PLLP: variants seen among roughly 807,000 people sequenced by gnomAD.
The protein encoded by PLLP is plasma membrane proteolipid (plasmolipin).
PLLP carries 15 observed loss-of-function variants against 19.7 expected under a neutral mutation model. The observed-to-expected ratio is 0.76, with a 90% CI of 0.51 to 1.17. The LOEUF (loss-of-function observed/expected upper bound fraction) is 1.17, where lower values mean the gene tolerates loss of function less well. Ranked by LOEUF, PLLP falls within the 50% of genes most tolerant of loss-of-function variation. PLLP has a pLI of 0.00. For synonymous variants in PLLP, 111 were observed against 116.3 expected (o/e 0.95, Z 0.29); for missense variants, 255 against 258.3 (o/e 0.99, Z 0.09).
At chr16:57,273,274 TG>T (rs1276036640) in intron 1 of PLLP, among the ~76,000 whole-genome samples, 1 of 147,882 alleles carries the variant, frequency 6.8e-6, no homozygotes, top group Non-Finnish European at 1.5e-5. Context: ...AAAAAAAAGT[TG>T]GGGGGGCAAT....
In PLLP at chr16:57,284,302, G is replaced by A. The variant is rs1284945225; in HGVS notation, c.135+104C>T. The A allele has an allele frequency of 4.8e-6, 5 of 1,045,286 alleles. No individual in the cohort carries two copies. In the African/African-American group the frequency reaches 6.7e-5, roughly 14 times the overall value. 64.8% of individuals were successfully genotyped at this position (1,045,286 alleles called of 1,614,324 possible). On this transcript the variant is annotated intron_variant, in intron 1 of 3. Coordinates refer to ENST00000219207, the MANE Select transcript of PLLP (RefSeq NM_015993.3). The stretch of plus-strand genomic sequence containing the variant: ...CGGTGACAGTGTGAGCCCGGGTGGG[G>A]AGCGCAAGGTTCGCGAAAAATGAAC...
At chr16:57,257,101 C>A in intron 3 of PLLP, 72 bp from the exon 4 acceptor site, 1 of 1,101,486 alleles carries the variant, frequency 9.1e-7, no homozygotes, top group Non-Finnish European at 1.4e-6. Flanking sequence ...AGATCTCAGG[C>A]CAGGCAGGAG....
At chr16:57,278,002 G>A (rs997428575) in intron 1 of PLLP, among the ~76,000 whole-genome samples, 6 of 152,168 alleles carry the variant, frequency 3.9e-5, no homozygotes, top group Admixed American at 2.0e-4. Context: ...GGGACACTAC[G>A]GGTTACTCCA....
intron 3 of PLLP, 46 bp downstream of exon 3, chr16:57,258,416 G>A (rs1379438090): frequency 4.4e-6 from 7 of 1,595,258 alleles, no homozygotes; most frequent in African/African-American, 4.0e-5. Context: ...GAGTCCTGGG[G>A]CTGAGACCCT....
At chr16:57,277,653 ACAG>A (rs1176173057) in intron 1 of PLLP, among the ~76,000 whole-genome samples, 1 of 152,160 alleles carries the variant, frequency 6.6e-6, no homozygotes, top group East Asian at 1.9e-4. Flanking sequence ...AAAGATGGAC[ACAG>A]CTTGCTGTGC....
intron 1 of PLLP, 81 bp downstream of exon 1, chr16:57,284,325 A>G: frequency 8.3e-7 from 1 of 1,198,570 alleles, no homozygotes; most frequent in East Asian, 3.2e-5. Flanking sequence ...GCGAAAAATG[A>G]ACGCAGCGCC....
intron 1 of PLLP, among the ~76,000 whole-genome samples, chr16:57,266,471 A>C (rs1436213716): frequency 6.6e-6 from 1 of 152,160 alleles, no homozygotes; most frequent in African/African-American, 2.4e-5. Flanking sequence ...CAGGGCACCC[A>C]ACACAGGCCT....
chr16:57,264,432 A>G (rs2075450932), intron 1 of PLLP, among the ~76,000 whole-genome samples: 1 of 152,234 alleles, frequency 6.6e-6, no homozygotes. Flanking sequence ...TCAGTGCCCA[A>G]CAGTGCCCGA....
chr16:57,274,600 G>A (rs940943478), intron 1 of PLLP, among the ~76,000 whole-genome samples: 4 of 149,860 alleles, frequency 2.7e-5, no homozygotes, highest in Non-Finnish European at 4.4e-5. Flanking sequence ...CTACATGTAC[G>A]CACCACCATG....
At chr16:57,279,192 G>C (rs1320866778) in intron 1 of PLLP, among the ~76,000 whole-genome samples, 1 of 152,142 alleles carries the variant, frequency 6.6e-6, no homozygotes, top group African/African-American at 2.4e-5. Context: ...AGACAAGGAA[G>C]TGAGGCTCAG....
chr16:57,274,473 G>C (rs1326699345), intron 1 of PLLP, among the ~76,000 whole-genome samples: 1 of 152,074 alleles, frequency 6.6e-6, no homozygotes, highest in African/African-American at 2.4e-5. Context: ...TTTGTTTTGA[G>C]ACAGAATCTT....
intron 3 of PLLP, 115 bp from the exon 4 acceptor site, chr16:57,257,144 C>G (rs1442033294): frequency 2.8e-6 from 2 of 721,948 alleles, no homozygotes; most frequent in Non-Finnish European, 2.5e-6. Flanking sequence ...TCACACTTAG[C>G]CAGATGCATT....
chr16:57,275,630 ATTTTG>A (rs1901141898), intron 1 of PLLP, among the ~76,000 whole-genome samples: 1 of 79,646 alleles, frequency 1.3e-5, no homozygotes, highest in Non-Finnish European at 2.6e-5. Flanking sequence ...CTACAACAAA[ATTTTG>A]CAAGGCAAAA....
chr16:57,281,603 C>T (rs556350025), intron 1 of PLLP, among the ~76,000 whole-genome samples: 9 of 147,428 alleles, frequency 6.1e-5, no homozygotes, highest in East Asian at 2.1e-4. Flanking sequence ...CTCCACCTCC[C>T]GGGTTCACGC....
intron 1 of PLLP, among the ~76,000 whole-genome samples, chr16:57,274,747 C>G (rs1204870054): frequency 6.6e-6 from 1 of 150,896 alleles, no homozygotes; most frequent in African/African-American, 2.4e-5. Flanking sequence ...GCCACTGTGC[C>G]TGGATCAAGA....
chr16:57,278,591 C>T (rs189623767), intron 1 of PLLP, among the ~76,000 whole-genome samples: 2 of 152,132 alleles, frequency 1.3e-5, no homozygotes, highest in South Asian at 4.1e-4. Flanking sequence ...ATACTCCCCC[C>T]CTTGCAGTAA....
chr16:57,284,566 C>T lies in PLLP; in HGVS notation c.-26G>A. On this transcript the variant is annotated 5_prime_UTR_variant, in exon 1 of 4. Transcript: ENST00000219207. ...GGCGGCTCCGCTTGCCTCCCGAGGT[C>T]GCTACGGCCGCCGTCGCCGCCCCTC... 1 of 1,327,356 alleles carries T rather than the reference C, an allele frequency of 7.5e-7. No homozygotes were observed. Among genetic ancestry groups the T allele is most frequent in the Non-Finnish European group, 9.7e-7 (1 of 1,032,412 alleles). 82.2% of individuals were successfully genotyped at this position (1,327,356 alleles called of 1,614,324 possible). A position where few individuals can be genotyped will look rare whatever the true frequency, so the allele number is the denominator to read the frequency against.
intron 1 of PLLP, among the ~76,000 whole-genome samples, chr16:57,280,390 T>A (rs1179518808): frequency 3.3e-5 from 5 of 152,172 alleles, no homozygotes; most frequent in Non-Finnish European, 5.9e-5. Flanking sequence ...CACTACTTTA[T>A]ACTTATTGTA....
At chr16:57,268,503 G>A (rs565264261) in intron 1 of PLLP, among the ~76,000 whole-genome samples, 2 of 152,168 alleles carry the variant, frequency 1.3e-5, no homozygotes, top group South Asian at 2.1e-4. Context: ...GTTTTGTTTT[G>A]TTTTTGAGAC....
Sources: gnomAD v4.1 joint callset for allele counts (sites outside exome capture counted in the v4.1 genomes callset) on GRCh38, gnomAD v4.1.1 for gene constraint, MANE v1.5 for transcripts, NCBI Gene and HGNC (gene_info 2026-07-23, HGNC 2026-07-21) for gene names.